Variants in KLHL7 observed in about 807,000 individuals in gnomAD.
The protein encoded by KLHL7 is kelch like family member 7, also known as kelch-like protein 7.
A neutral mutation model predicts 67.4 loss-of-function variants in KLHL7; 44 were observed. The observed-to-expected ratio is 0.65, with a 90% confidence interval of 0.51 to 0.84. The LOEUF (loss-of-function observed/expected upper bound fraction) is 0.84. KLHL7 is among the 40% of genes least tolerant of loss of function. KLHL7 has a pLI of 0.00. For missense variants in KLHL7, 362 were observed against 718.1 expected (o/e 0.50, Z 5.67); for synonymous variants, 252 against 243.3 (o/e 1.04, Z -0.33).
At chr7:23,123,900 C>T (rs1783453173) in intron 2 of KLHL7, 21 bp downstream of exon 2, 12 of 1,444,582 alleles carry the variant, frequency 8.3e-6, no homozygotes, top group African/African-American at 1.4e-5. Context: ...TAAGGTAAAA[C>T]ATGCCATTAT....
chr7:23,110,559 C>T lies in KLHL7; in HGVS notation c.120+4413C>T, dbSNP rs145219064. Among the ~76,000 whole-genome samples the T allele has an allele frequency of 2.6e-5, 4 of 152,140 alleles. No homozygotes were observed. In the East Asian group the frequency reaches 7.7e-4, roughly 29 times the overall value. On this transcript the variant is annotated intron_variant, in intron 1 of 10. Coordinates refer to ENST00000339077, the MANE Select transcript of KLHL7 (RefSeq NM_001031710.3). ...ACATACCCCTCTAAATACTTCTCTC[C>T]CCCCATTAAGATGAAAAGCTGAGTA...
chr7:23,106,400 C>T, intron 1 of KLHL7: 1 of 1,328,756 alleles, frequency 7.5e-7, no homozygotes, highest in South Asian at 1.5e-5. Flanking sequence ...CTCAGGCTGG[C>T]TTTCGCCGTC....
At position 23,145,637 on chromosome 7, in the gene KLHL7, A is replaced by G. The variant is rs113738143; in HGVS notation, c.793+1612A>G. On this transcript the variant is annotated intron_variant, in intron 6 of 10. Transcript: ENST00000339077. ...GACCCCCAGATGTCAGTATTTGTAG[A>G]TATTGTCTCAGGGAACTATAAGCTG... Among the ~76,000 whole-genome samples the G allele has an allele frequency of 3.6e-3, 546 of 152,328 alleles. 5 individuals carry two copies. Among genetic ancestry groups the G allele is most frequent in the African/African-American group, 0.012 (506 of 41,576 alleles).
At chr7:23,161,523 A>C (rs552592936) in intron 7 of KLHL7, among the ~76,000 whole-genome samples, 12 of 152,294 alleles carry the variant, frequency 7.9e-5, no homozygotes, top group Admixed American at 2.6e-4. Flanking sequence ...CTAGGAGAAA[A>C]ATTGCTCTAG....
At position 23,124,680 on chromosome 7, in the gene KLHL7, C is replaced by T. The variant is rs773179966; in HGVS notation, c.224-8C>T. On this transcript the variant is annotated splice_region_variant and splice_polypyrimidine_tract_variant and intron_variant, in intron 2 of 10. Transcript: ENST00000339077. The stretch of plus-strand genomic sequence containing the variant: ...AGATGCCATTTATGTTTCTTCTCTT[C>T]ATTGTAGCTAACATGCTTGAATCAA... 5.7e-6 allele frequency: 9 copies of T among 1,568,676 alleles called. No individual in the cohort carries two copies. The highest frequency in any genetic ancestry group is 7.9e-6 in the Non-Finnish European group (9 of 1,138,588).
At chr7:23,142,950 A>C (rs1378589621) in intron 5 of KLHL7, among the ~76,000 whole-genome samples, 1 of 152,234 alleles carries the variant, frequency 6.6e-6, no homozygotes, top group African/African-American at 2.4e-5. Context: ...GTTATGACAA[A>C]TATACCATAC....
chr7:23,165,840 A>T lies in KLHL7; in HGVS notation c.1079A>T (p.Asp360Val). The change falls in exon 8 of 11, where the codon GAT (aspartate) becomes GTT (valine). Residue 360 changes from aspartate to valine, a missense_variant. Physicochemically the swap from Asp to Val is radical, Grantham distance 152 (BLOSUM62 -3). Transcript: ENST00000339077. ...KRMDCYNVVKDSWYSKLGPPT... is the reference protein window; with the variant it reads ...KRMDCYNVVKVSWYSKLGPPT... ...ATGGACTGCTATAATGTAGTGAAGGATAGCTGGTATTCGAAACTGGGTCCT... is the reference window on the plus strand; with the variant it reads ...ATGGACTGCTATAATGTAGTGAAGGTTAGCTGGTATTCGAAACTGGGTCCT... 6.2e-7 allele frequency: 1 copy of T among 1,614,204 alleles called. No homozygotes were observed. Among genetic ancestry groups the T allele is most frequent in the Non-Finnish European group, 8.5e-7 (1 of 1,180,020 alleles).
At chr7:23,107,749 A>G (rs575768941) in intron 1 of KLHL7, among the ~76,000 whole-genome samples, 44 of 152,338 alleles carry the variant, frequency 2.9e-4, no homozygotes, top group South Asian at 2.3e-3. Flanking sequence ...TCCCCTCCAC[A>G]ATGATTAACT....
At position 23,140,801 on chromosome 7, in the gene KLHL7, C is replaced by T. The variant is rs758142647; in HGVS notation, c.475C>T (p.Pro159Ser). The T allele has an allele frequency of 2.5e-6, 4 of 1,613,798 alleles. No individual in the cohort carries two copies. In the East Asian group the frequency reaches 8.9e-5, roughly 36 times the overall value. The change falls in exon 5 of 11, where the codon CCT (proline) becomes TCT (serine). Residue 159 changes from proline to serine, a missense_variant. By Grantham distance (74) the Pro-to-Ser change is moderately conservative. Around this residue, in one of 5 missense-constraint regions of KLHL7, gnomAD observed 155 missense variants for 280.8 expected, o/e 0.55. Transcript: ENST00000339077. ...TGTGCTAGCGGAGTGTCTAGATTGT[C>T]CTGAATTGAAAGCAACTGCAGATGA... Reference protein sequence around the residue: ...ISVLAECLDCPELKATADDFI... With the variant: ...ISVLAECLDCSELKATADDFI...
chr7:23,109,385 T>A (rs1782773452), intron 1 of KLHL7, among the ~76,000 whole-genome samples: 1 of 152,262 alleles, frequency 6.6e-6, no homozygotes, highest in African/African-American at 2.4e-5. Context: ...CACATGCACA[T>A]TGCTGTTGCC....
At chr7:23,133,582 C>T (rs1414663209) in intron 4 of KLHL7, among the ~76,000 whole-genome samples, 5 of 152,178 alleles carry the variant, frequency 3.3e-5, no homozygotes, top group African/African-American at 9.6e-5. Context: ...CAGATACATG[C>T]CACCACACCT....
intron 6 of KLHL7, among the ~76,000 whole-genome samples, chr7:23,147,823 T>G (rs1784407333): frequency 6.6e-6 from 1 of 152,258 alleles, no homozygotes; most frequent in Admixed American, 6.5e-5. Context: ...AGGGTAAGAC[T>G]GTCCATATAA....
At chr7:23,146,461 C>T (rs1263880160) in intron 6 of KLHL7, among the ~76,000 whole-genome samples, 1 of 152,080 alleles carries the variant, frequency 6.6e-6, no homozygotes, top group East Asian at 1.9e-4. Context: ...TTTGGGATAG[C>T]TTTCAAGAGA....
rs201015436 is a variant in KLHL7, at chr7:23,143,899, C to T, written c.667C>T (p.Gln223Ter). 1 of 1,614,140 alleles carries T rather than the reference C, an allele frequency of 6.2e-7. No homozygotes were observed. The highest frequency in any genetic ancestry group is 2.2e-5 in the East Asian group (1 of 44,874). Residue 223 changes from glutamine (Q) to a stop codon, truncating the protein, a stop_gained, in exon 6 of 11, where the codon CAG becomes TAG. Transcript: ENST00000339077. LOFTEE classifies it high-confidence loss of function. ...RWLKYDEPNR[Q>*]PFMVDILAKV... ...GTTGAAATACGATGAACCTAATCGC[C>T]AGCCATTTATGGTTGATATCCTTGC... is the stretch of plus-strand genomic sequence containing the variant.
chr7:23,168,249 C>T (rs190552386), intron 9 of KLHL7: 1 of 577,722 alleles, frequency 1.7e-6, no homozygotes, highest in East Asian at 2.9e-5. Flanking sequence ...CCATGGGAAC[C>T]TCTTTCTTTC....
At chr7:23,148,863 CT>C (rs953366680) in intron 6 of KLHL7, among the ~76,000 whole-genome samples, 3 of 151,978 alleles carry the variant, frequency 2.0e-5, no homozygotes, top group African/African-American at 7.3e-5. Context: ...TTTTCTTTTC[CT>C]TTTTTAAAAT....
At chr7:23,166,967 T>C (rs2128469622) in intron 8 of KLHL7, among the ~76,000 whole-genome samples, 1 of 152,308 alleles carries the variant, frequency 6.6e-6, no homozygotes, top group South Asian at 2.1e-4. Flanking sequence ...TTTTTGGTCA[T>C]GACCATTGCT....
At chr7:23,127,448 A>G (rs954506704) in intron 4 of KLHL7, among the ~76,000 whole-genome samples, 9 of 152,140 alleles carry the variant, frequency 5.9e-5, no homozygotes, top group African/African-American at 1.9e-4. Context: ...GCCAAGTGCC[A>G]TAGCCCAATA....
rs965730662 is a variant in KLHL7, at chr7:23,106,200, G to T, written c.120+54G>T. On this transcript the variant is annotated intron_variant, in intron 1 of 10. Transcript: ENST00000339077. ...CGGTGGGAGGTGGTCCGGGGCTCGG[G>T]CCCCTGGTTCCCGGGGTGGAACCCC... 189 of 1,591,016 alleles carry T rather than the reference G, an allele frequency of 1.2e-4. 1 individual carries two copies. In the Middle Eastern group the frequency reaches 1.8e-3, roughly 15 times the overall value.
Sources: gnomAD v4.1 joint callset for allele counts (sites outside exome capture counted in the v4.1 genomes callset) on GRCh38, gnomAD v4.1.1 for gene constraint, gnomAD v4.1.1 regional missense constraint, MANE v1.5 for transcripts, NCBI Gene and HGNC (gene_info 2026-07-23, HGNC 2026-07-21) for gene names.